GALNT8: variants seen among roughly 807,000 people sequenced by gnomAD.
The protein encoded by GALNT8 is polypeptide N-acetylgalactosaminyltransferase 8.
In GALNT8, 66 loss-of-function variants were observed where a neutral mutation model predicts 62.7. The observed-to-expected ratio is 1.05, with a 90% CI of 0.86 to 1.29. The LOEUF (loss-of-function observed/expected upper bound fraction) is 1.29, where lower values mean the gene tolerates loss of function less well. Among genes scored for constraint, GALNT8 ranks in the 50% most tolerant of loss-of-function variants. The pLI is 0.00. For synonymous variants in GALNT8, 288 were observed against 294.3 expected, an observed-to-expected ratio of 0.98 and a Z score of 0.22; for missense variants, 771 against 791.8, an observed-to-expected ratio of 0.97 and a Z score of 0.32.
chr12:4,747,125 G>A (rs115958495), intron 6 of GALNT8, among the ~76,000 whole-genome samples: 7,612 of 152,234 alleles, frequency 0.05, 281 homozygotes, highest in Non-Finnish European at 0.074. Flanking sequence ...GCGTGCATGT[G>A]ATGTTTTGAT....
chr12:4,737,618 T>C lies in GALNT8; in HGVS notation c.510-1545T>C, dbSNP rs185208397. Among the ~76,000 whole-genome samples, 9 of 152,312 alleles carry C rather than the reference T, an allele frequency of 5.9e-5. No homozygotes were observed. The East Asian group carries it at 1.7e-3, about 29-fold the overall frequency. ...TTTTGTGATAGCCTAACTGCTGTGG[T>C]TTGAATGTTTGTCTTCTCTGAAACT... On this transcript the variant is annotated intron_variant, in intron 2 of 10. Coordinates refer to ENST00000252318, the MANE Select transcript of GALNT8 (RefSeq NM_017417.2).
At position 4,763,386 on chromosome 12, in the gene GALNT8, G is replaced by C. The variant is rs552155418; in HGVS notation, c.1493G>C (p.Gly498Ala). ...CCACTCCACACCATCGTGGGCTATG[G>C]AAGAGTATGTATTATGAAATTGCAC... is the stretch of plus-strand genomic sequence containing the variant. ...LKPLHTIVGY[G>A]RMKNLLDENV... is the part of the protein sequence containing the mutation. The change falls in exon 8 of 11, where the codon GGA becomes GCA. Residue 498 changes from glycine to alanine, a missense_variant. Coordinates refer to ENST00000252318, the MANE Select transcript of GALNT8 (RefSeq NM_017417.2). 1 of 1,611,362 alleles carries C rather than the reference G, an allele frequency of 6.2e-7. No individual in the cohort carries two copies. Among genetic ancestry groups the C allele is most frequent in the East Asian group, 2.2e-5 (1 of 44,866 alleles).
chr12:4,763,965 T>G lies in GALNT8; in HGVS notation c.1511T>G (p.Leu504Trp), dbSNP rs1565390002. 1 of 1,568,772 alleles carries G rather than the reference T, an allele frequency of 6.4e-7. No homozygotes were observed. The highest frequency in any genetic ancestry group is 8.8e-7 in the Non-Finnish European group (1 of 1,138,128). Residue 504 changes from leucine to tryptophan, a missense_variant, in exon 9 of 11, where the codon TTG becomes TGG. Physicochemically the swap from Leu to Trp is moderately conservative, Grantham distance 61. Coordinates refer to ENST00000252318, the MANE Select transcript of GALNT8 (RefSeq NM_017417.2). ...TGTCCCCTTCAGATGAAAAACCTAT[T>G]GGATGAAAATGTCTGCTTGGATCAG... Reference protein sequence around the residue: ...IVGYGRMKNLLDENVCLDQGP... With the variant: ...IVGYGRMKNLWDENVCLDQGP...
At chr12:4,756,009 C>T (rs1191005696) in intron 6 of GALNT8, among the ~76,000 whole-genome samples, 1 of 152,106 alleles carries the variant, frequency 6.6e-6, no homozygotes, top group Non-Finnish European at 1.5e-5. Context: ...TGTGAAGTCT[C>T]GTAAGGCCTA....
At chr12:4,764,090 C>T (rs200709600) in intron 9 of GALNT8, 43 bp downstream of exon 9, 30 of 1,068,774 alleles carry the variant, frequency 2.8e-5, no homozygotes, top group Admixed American at 2.5e-4. Context: ...GCAAGTCTGT[C>T]GTGGCTCAGC....
In GALNT8 at chr12:4,739,183, C is replaced by A. The variant is rs775387005; in HGVS notation, c.530C>A (p.Pro177His). 1.2e-6 allele frequency: 2 copies of A among 1,611,378 alleles called. No individual in the cohort carries two copies. The highest frequency in any genetic ancestry group is 2.2e-5 in the South Asian group (2 of 90,774). ...RDYRCLRKTYPSQLPSLSVIL... is the reference protein window; with the variant it reads ...RDYRCLRKTYHSQLPSLSVIL... ...TATAGATGTCTTCGGAAGACATATC[C>A]TTCCCAACTCCCATCCCTCAGTGTC... The change falls in exon 3 of 11, where the codon CCT becomes CAT. Residue 177 changes from proline to histidine, a missense_variant. Coordinates refer to ENST00000252318, the MANE Select transcript of GALNT8 (RefSeq NM_017417.2).
chr12:4,769,647 T>C (rs1289085784), intron 10 of GALNT8, among the ~76,000 whole-genome samples: 1 of 151,964 alleles, frequency 6.6e-6, no homozygotes, highest in East Asian at 1.9e-4. Flanking sequence ...AGAAGCAAGA[T>C]GTAAAGACCA....
At chr12:4,763,537 T>A (rs1946382683) in intron 8 of GALNT8, 147 bp downstream of exon 8, 2 of 676,990 alleles carry the variant, frequency 3.0e-6, no homozygotes, top group Non-Finnish European at 5.2e-6. Flanking sequence ...CCTCTCAGTT[T>A]CCTTTTGTCC....
At chr12:4,744,783 G>A in intron 4 of GALNT8, 83 bp downstream of exon 4, 3 of 890,872 alleles carry the variant, frequency 3.4e-6, no homozygotes, top group South Asian at 1.8e-5. Context: ...AGGATACTGT[G>A]GACACAGGGA....
intron 1 of GALNT8, among the ~76,000 whole-genome samples, chr12:4,723,280 G>A (rs1946179333): frequency 1.3e-5 from 2 of 152,150 alleles, no homozygotes; most frequent in South Asian, 4.1e-4. Context: ...GCAAGAGAGT[G>A]GATGAAACAG....
intron 2 of GALNT8, among the ~76,000 whole-genome samples, chr12:4,729,019 AG>A (rs1434373817): frequency 1.3e-5 from 2 of 152,140 alleles, no homozygotes; most frequent in African/African-American, 4.8e-5. Context: ...CCATTTATTT[AG>A]GTCTTTAATT....
intron 10 of GALNT8, among the ~76,000 whole-genome samples, chr12:4,771,664 G>A (rs1189207827): frequency 6.6e-6 from 1 of 152,154 alleles, no homozygotes; most frequent in Non-Finnish European, 1.5e-5. Context: ...GCATAAAAAG[G>A]AAAGAGCCTG....
At chr12:4,721,024 C>T (rs1946165463) in intron 1 of GALNT8, 136 bp downstream of exon 1, 1 of 639,594 alleles carries the variant, frequency 1.6e-6, no homozygotes, top group South Asian at 1.9e-5. Flanking sequence ...GCATCTGACA[C>T]TGAATTCTGT....
At chr12:4,733,227 C>T (rs1012555925) in intron 2 of GALNT8, among the ~76,000 whole-genome samples, 8 of 152,184 alleles carry the variant, frequency 5.3e-5, no homozygotes, top group East Asian at 3.9e-4. Flanking sequence ...TAGTAGCTAT[C>T]GTTATGTATA....
At chr12:4,771,426 G>A (rs953914156) in intron 10 of GALNT8, among the ~76,000 whole-genome samples, 6 of 152,136 alleles carry the variant, frequency 3.9e-5, no homozygotes, top group East Asian at 1.9e-4. Context: ...GCAAATTTTG[G>A]GGGGAGCAAG....
rs1565385852 is a variant in GALNT8 at position 4,746,143 on chromosome 12, G to C, written c.1059-1G>C. ...AGTGACTCTTGCTGTGTGCTCTGTA[G>C]GAGTCCTTCAATCATGGGCATCCTG... On this transcript the variant is annotated splice_acceptor_variant, in intron 5 of 10. Transcript: ENST00000252318. LOFTEE classifies it high-confidence loss of function. 3.2e-6 allele frequency: 5 copies of C among 1,567,030 alleles called. No homozygotes were observed. Among genetic ancestry groups the C allele is most frequent in the East Asian group, 2.2e-5 (1 of 44,634 alleles).
chr12:4,733,053 C>T (rs943746620), intron 2 of GALNT8, among the ~76,000 whole-genome samples: 5 of 151,940 alleles, frequency 3.3e-5, no homozygotes, highest in African/African-American at 1.2e-4. Context: ...CTCTAGATGT[C>T]ATCCAACCAA....
At chr12:4,758,977 T>A (rs137972434) in intron 6 of GALNT8, among the ~76,000 whole-genome samples, 1 of 152,016 alleles carries the variant, frequency 6.6e-6, no homozygotes, top group African/African-American at 2.4e-5. Flanking sequence ...GGTTTCACCA[T>A]GTTGGCCAGG....
intron 6 of GALNT8, among the ~76,000 whole-genome samples, chr12:4,760,333 C>T (rs117286043): frequency 8.5e-5 from 13 of 152,206 alleles, no homozygotes; most frequent in Non-Finnish European, 1.9e-4. Flanking sequence ...TGTTAGCTGA[C>T]AGCATGGCAG....
Sources: gnomAD v4.1 joint callset for allele counts (sites outside exome capture counted in the v4.1 genomes callset) on GRCh38, gnomAD v4.1.1 for gene constraint, MANE v1.5 for transcripts, NCBI Gene and HGNC (gene_info 2026-07-23, HGNC 2026-07-21) for gene names.